GNAO1: variants seen among roughly 807,000 people sequenced by gnomAD.
GNAO1 encodes guanine nucleotide-binding protein G(o) subunit alpha.
For synonymous variants in GNAO1, 164 were observed against 180.7 expected, an observed-to-expected ratio of 0.91 and a Z score of 0.74; for missense variants, 166 against 478.7, an observed-to-expected ratio of 0.35 and a Z score of 6.10.
chr16:56,308,900 G>A (rs947479328), intron 3 of GNAO1, among the ~76,000 whole-genome samples: 2 of 152,128 alleles, frequency 1.3e-5, no homozygotes, highest in Non-Finnish European at 2.9e-5. Flanking sequence ...TTAGGATGGA[G>A]GGGCCAGAGA....
chr16:56,246,820 G>A (rs2036749558), intron 2 of GNAO1, among the ~76,000 whole-genome samples: 1 of 151,862 alleles, frequency 6.6e-6, no homozygotes, highest in Admixed American at 6.6e-5. Flanking sequence ...CCCCTCCCTG[G>A]GTGTCATTCT....
intron 6 of GNAO1, chr16:56,345,839 A>G (rs2037861750): frequency 2.1e-5 from 21 of 985,542 alleles, no homozygotes; most frequent in Non-Finnish European, 2.5e-5. Context: ...CTGTAACCCC[A>G]GGCTCAGAAG....
Position 56,354,798 on chromosome 16 carries a change from T to C in GNAO1, c.878-68T>C. ...CGCCACAACCCACTTCTTGTCTTCA[T>C]GTCCCCAGCCCTGTCCACCCACAGC... On this transcript the variant is annotated intron_variant, in intron 7 of 8. Coordinates refer to ENST00000262493, the MANE Select transcript of GNAO1 (RefSeq NM_020988.3). The surrounding 1 kb of genome is among the most constrained non-coding windows in gnomAD (Gnocchi z 4.3). The C allele has an allele frequency of 4.2e-6, 4 of 947,202 alleles. No homozygotes were observed. Among genetic ancestry groups the C allele is most frequent in the South Asian group, 3.0e-5 (2 of 66,560 alleles). 58.7% of individuals were successfully genotyped at this position (947,202 alleles called of 1,614,324 possible). A position where few individuals can be genotyped will look rare whatever the true frequency, so the allele number is the denominator to read the frequency against.
intron 6 of GNAO1, chr16:56,340,645 A>T (rs976256116): frequency 4.6e-5 from 29 of 624,550 alleles, no homozygotes; most frequent in African/African-American, 4.6e-4. Context: ...CTGCGTGTGG[A>T]ATGAAACAGG....
chr16:56,336,746 A>G lies in GNAO1; in HGVS notation c.609A>G (p.Gly203=). Residue 203 remains glycine, a synonymous_variant, in exon 6 of 9, where the codon GGA becomes GGG. Coordinates refer to ENST00000262493, the MANE Select transcript of GNAO1 (RefSeq NM_020988.3). The part of the protein sequence containing the change: ...KNLHFRLFDV[G]GQRSERKKWI... Reference sequence around the variant, plus strand: ...CCTCCTACAGGCTGTTTGACGTCGGAGGCCAGCGATCTGAACGCAAGAAGT... The same window carrying G: ...CCTCCTACAGGCTGTTTGACGTCGGGGGCCAGCGATCTGAACGCAAGAAGT... The G allele has an allele frequency of 6.2e-7, 1 of 1,612,490 alleles. No homozygotes were observed. The highest frequency in any genetic ancestry group is 8.5e-7 in the Non-Finnish European group (1 of 1,179,602).
intron 4 of GNAO1, chr16:56,329,033 T>A (rs1353138073): frequency 2.0e-6 from 1 of 497,064 alleles, no homozygotes; most frequent in African/African-American, 1.9e-5. Context: ...CAGTGGAAAT[T>A]CCCAGAGGGC....
At chr16:56,323,161 C>G (rs1381690497) in intron 3 of GNAO1, among the ~76,000 whole-genome samples, 1 of 152,234 alleles carries the variant, frequency 6.6e-6, no homozygotes, top group East Asian at 1.9e-4. Flanking sequence ...ATGGCTGGAG[C>G]CCCGTGAGAG....
rs190338197 is a variant in GNAO1, at chr16:56,311,205, G to C, written c.304-17426G>C. On this transcript the variant is annotated intron_variant, in intron 3 of 8. Coordinates refer to ENST00000262493, the MANE Select transcript of GNAO1 (RefSeq NM_020988.3). This position sits in a 1 kb window ranked among gnomAD's most constrained non-coding sequence, Gnocchi z 5.2. ...GAGATGGGGGAGAGAGGCATGGAAG[G>C]GGGTAAGAGGAGTGACAGGGATGAA... Among the ~76,000 whole-genome samples the C allele has an allele frequency of 2.0e-5, 3 of 151,802 alleles. No homozygotes were observed. In the East Asian group the frequency reaches 5.8e-4, roughly 29 times the overall value.
At chr16:56,263,052 AG>A in intron 2 of GNAO1, among the ~76,000 whole-genome samples, 1 of 152,354 alleles carries the variant, frequency 6.6e-6, no homozygotes, top group South Asian at 2.1e-4. Flanking sequence ...CCAAGACATC[AG>A]GGTTGAAGGA....
intron 2 of GNAO1, among the ~76,000 whole-genome samples, chr16:56,249,521 G>A (rs1042200026): frequency 9.2e-5 from 14 of 152,150 alleles, no homozygotes; most frequent in Non-Finnish European, 1.6e-4. Flanking sequence ...CATGATCAGG[G>A]AAAGCACCAA....
intron 1 of GNAO1, 82 bp downstream of exon 1, chr16:56,192,435 G>T (rs1301085636): frequency 1.8e-5 from 9 of 496,968 alleles, no homozygotes; most frequent in Non-Finnish European, 2.4e-5. Flanking sequence ...CCCCACTCGC[G>T]CCCGGGAGAC....
chr16:56,322,762 C>T (rs899232), intron 3 of GNAO1, among the ~76,000 whole-genome samples: 124,283 of 151,992 alleles, frequency 0.82, 51,280 homozygotes, highest in East Asian at 1. Context: ...TAGCAAGCTC[C>T]CTCGCCTAAG....
At chr16:56,244,607 G>A (rs1384257665) in intron 2 of GNAO1, among the ~76,000 whole-genome samples, 6 of 152,036 alleles carry the variant, frequency 3.9e-5, no homozygotes, top group African/African-American at 1.4e-4. Context: ...AGGGGCTTCC[G>A]CTGCGATTCT....
At chr16:56,193,568 T>C (rs1319858373) in intron 2 of GNAO1, 2 of 158,138 alleles carry the variant, frequency 1.3e-5, no homozygotes, top group Non-Finnish European at 2.8e-5. Context: ...TAACTGGGGG[T>C]GGATTTGAGT....
rs116441240 is a variant in GNAO1 at position 56,343,996 on chromosome 16, C to G, written c.723+7136C>G. On this transcript the variant is annotated intron_variant, in intron 6 of 8. Coordinates refer to ENST00000262493, the MANE Select transcript of GNAO1 (RefSeq NM_020988.3). ...ACCCTTGCCCTGCCTGGCCTGCCGC[C>G]CCCCCTCCCCTGGAACCAGGCTCCA... 8 of 1,599,790 alleles carry G rather than the reference C, an allele frequency of 5.0e-6. No homozygotes were observed. In the South Asian group the frequency reaches 8.9e-5, roughly 18 times the overall value.
intron 2 of GNAO1, among the ~76,000 whole-genome samples, chr16:56,248,809 A>G (rs1332124186): frequency 6.6e-6 from 1 of 152,212 alleles, no homozygotes; most frequent in Non-Finnish European, 1.5e-5. Flanking sequence ...TATGAAGTCA[A>G]GAGAGGGAGC....
At chr16:56,253,825 C>A (rs2036821486) in intron 2 of GNAO1, among the ~76,000 whole-genome samples, 1 of 152,206 alleles carries the variant, frequency 6.6e-6, no homozygotes, top group Non-Finnish European at 1.5e-5. Context: ...GCCTTCTCCC[C>A]AGCCTGGGGT....
intron 6 of GNAO1, chr16:56,345,500 T>A: frequency 1.0e-6 from 1 of 985,358 alleles, no homozygotes; most frequent in Non-Finnish European, 1.2e-6. Flanking sequence ...GGCACAGAGC[T>A]CTGAGTGGTG....
chr16:56,269,679 A>G (rs561037964), intron 2 of GNAO1, among the ~76,000 whole-genome samples: 2 of 152,288 alleles, frequency 1.3e-5, no homozygotes, highest in Admixed American at 1.3e-4. Flanking sequence ...GTCCCAGGGC[A>G]GGAGCCAGGG....
Sources: gnomAD v4.1 joint callset for allele counts (sites outside exome capture counted in the v4.1 genomes callset) on GRCh38, gnomAD v4.1.1 for gene constraint, Gnocchi (gnomAD v3.1) non-coding constraint, MANE v1.5 for transcripts, NCBI Gene and HGNC (gene_info 2026-07-23, HGNC 2026-07-21) for gene names.